The following ENOX1 variants were observed in gnomAD, a reference collection of about 807,000 sequenced individuals.
The protein encoded by ENOX1 is ecto-NOX disulfide-thiol exchanger 1, also known as candidate growth-related and time keeping constitutive hydroquinone (NADH) oxidase.
Under a neutral mutation model 82.5 loss-of-function variants are expected in ENOX1, and 42 were observed. The ratio of observed to expected loss-of-function variants is 0.51; its 90% CI spans 0.40 to 0.66. The LOEUF (loss-of-function observed/expected upper bound fraction) is 0.66, where lower values mean the gene tolerates loss of function less well. Among genes scored for constraint, ENOX1 ranks in the 30% least tolerant of loss-of-function variants. The pLI is 0.00. For missense variants in ENOX1, 608 were observed against 811.6 expected (o/e 0.75, Z 3.05); for synonymous variants, 271 against 282.2 (o/e 0.96, Z 0.40).
At chr13:43,746,233 T>C (rs1208354151) in intron 1 of ENOX1, among the ~76,000 whole-genome samples, 3 of 152,014 alleles carry the variant, frequency 2.0e-5, no homozygotes, top group Non-Finnish European at 4.4e-5. Flanking sequence ...GAAAAGAAAT[T>C]ATGGAATGGG....
intron 3 of ENOX1, among the ~76,000 whole-genome samples, chr13:43,460,279 T>C (rs923664846): frequency 6.6e-6 from 1 of 152,198 alleles, no homozygotes; most frequent in Admixed American, 6.5e-5. Flanking sequence ...TCCCTTTTTC[T>C]CTTGATATGT....
At chr13:43,648,672 C>T (rs753683068) in intron 2 of ENOX1, among the ~76,000 whole-genome samples, 8 of 152,152 alleles carry the variant, frequency 5.3e-5, no homozygotes, top group Non-Finnish European at 1.0e-4. Flanking sequence ...ACTTCTCACT[C>T]CAAGGAAAAG....
intron 14 of ENOX1, among the ~76,000 whole-genome samples, chr13:43,246,522 G>C (rs770294769): frequency 1.3e-4 from 20 of 152,360 alleles, no homozygotes; most frequent in East Asian, 7.7e-4. Context: ...CATTAGCAGG[G>C]ACTGAGGGGG....
intron 3 of ENOX1, among the ~76,000 whole-genome samples, chr13:43,417,641 G>A (rs4942230): frequency 0.16 from 24,586 of 151,982 alleles, 2,541 homozygotes; most frequent in East Asian, 0.52. Context: ...TCTTCTTAGC[G>A]ATGTTTATTT....
In ENOX1 at chr13:43,428,197, C is replaced by T. The variant is rs74658991; in HGVS notation, c.-74-15209G>A. Among the ~76,000 whole-genome samples, 567 of 152,188 alleles carry T rather than the reference C, an allele frequency of 3.7e-3. 3 individuals are homozygous for T. Among genetic ancestry groups the T allele is most frequent in the African/African-American group, 0.013 (546 of 41,516 alleles). ...TCACTGCTGAAAGACAACTCAAGAC[C>T]CATGCTTTATTGAGAGGCACATTTT... On this transcript the variant is annotated intron_variant, in intron 3 of 16. Coordinates refer to ENST00000690772, the MANE Select transcript of ENOX1 (RefSeq NM_001347969.2).
At position 43,324,555 on chromosome 13, in the gene ENOX1, A is replaced by G. The variant is rs188853873; in HGVS notation, c.1143+1864T>C. ...CCACAATGTTAAATTACCAACTGGT[A>G]TTTAATCAATTCAGCGACATGCAAG... On this transcript the variant is annotated intron_variant, in intron 10 of 16. Coordinates refer to ENST00000690772, the MANE Select transcript of ENOX1 (RefSeq NM_001347969.2). Among the ~76,000 whole-genome samples the G allele has an allele frequency of 1.6e-3, 251 of 152,318 alleles. 1 individual carries two copies. The highest frequency in any genetic ancestry group is 5.8e-3 in the African/African-American group (242 of 41,582).
intron 3 of ENOX1, among the ~76,000 whole-genome samples, chr13:43,467,367 A>G (rs1164947734): frequency 6.6e-6 from 1 of 152,206 alleles, no homozygotes; most frequent in Non-Finnish European, 1.5e-5. Context: ...AATTCGACAG[A>G]CAGTTAAAAT....
chr13:43,712,580 T>C (rs2087802101), intron 1 of ENOX1, among the ~76,000 whole-genome samples: 1 of 148,152 alleles, frequency 6.7e-6, no homozygotes, highest in East Asian at 2.0e-4. Flanking sequence ...GTTTGTATCC[T>C]CTTTTATTTC....
intron 2 of ENOX1, among the ~76,000 whole-genome samples, chr13:43,643,066 AT>A (rs967925125): frequency 6.6e-6 from 1 of 152,184 alleles, no homozygotes; most frequent in Non-Finnish European, 1.5e-5. Context: ...AACTCAAAAC[AT>A]TTTTTATTTA....
intron 2 of ENOX1, among the ~76,000 whole-genome samples, chr13:43,527,442 T>C (rs1055392373): frequency 6.6e-6 from 1 of 152,094 alleles, no homozygotes; most frequent in African/African-American, 2.4e-5. Flanking sequence ...AGTTACAGAC[T>C]TTCTCTCCCC....
intron 14 of ENOX1, among the ~76,000 whole-genome samples, chr13:43,239,365 G>A (rs766178684): frequency 1.1e-4 from 17 of 152,156 alleles, no homozygotes; most frequent in Non-Finnish European, 2.2e-4. Flanking sequence ...TGTCCAGGTT[G>A]GAGATGGAGC....
intron 9 of ENOX1, among the ~76,000 whole-genome samples, chr13:43,332,763 TA>T (rs1253830450): frequency 6.6e-6 from 1 of 152,098 alleles, no homozygotes; most frequent in Non-Finnish European, 1.5e-5. Flanking sequence ...TTCCTCAAAA[TA>T]TATAGCATTT....
chr13:43,317,856 T>G (rs974465564), intron 11 of ENOX1, among the ~76,000 whole-genome samples: 1 of 151,228 alleles, frequency 6.6e-6, no homozygotes, highest in African/African-American at 2.4e-5. Flanking sequence ...ATACAAAAAA[T>G]TAGCCAGGCG....
At chr13:43,611,617 A>G (rs180824220) in intron 2 of ENOX1, among the ~76,000 whole-genome samples, 2 of 152,336 alleles carry the variant, frequency 1.3e-5, no homozygotes, top group East Asian at 3.9e-4. Flanking sequence ...TCTAGGAAAA[A>G]CAATGTTGCA....
intron 2 of ENOX1, among the ~76,000 whole-genome samples, chr13:43,636,193 C>T (rs900755791): frequency 6.6e-6 from 1 of 152,182 alleles, no homozygotes; most frequent in African/African-American, 2.4e-5. Context: ...CACTGGGTCC[C>T]ATGCTCATGG....
chr13:43,517,973 T>C (rs1475784882), intron 2 of ENOX1, among the ~76,000 whole-genome samples: 2 of 152,152 alleles, frequency 1.3e-5, no homozygotes, highest in Admixed American at 6.6e-5. Flanking sequence ...ACATGGTTTA[T>C]GGTATTTTGT....
intron 5 of ENOX1, among the ~76,000 whole-genome samples, chr13:43,361,700 C>A (rs539579558): frequency 1.3e-5 from 2 of 152,162 alleles, no homozygotes; most frequent in Admixed American, 1.3e-4. Context: ...AAGAACACAG[C>A]ATATTAAAAT....
At chr13:43,310,808 GTCA>G (rs1362765076) in intron 11 of ENOX1, among the ~76,000 whole-genome samples, 1 of 151,930 alleles carries the variant, frequency 6.6e-6, no homozygotes, top group East Asian at 2.0e-4. Context: ...AAAAGCTTCA[GTCA>G]TTACCTCTTT....
intron 8 of ENOX1, among the ~76,000 whole-genome samples, chr13:43,350,181 C>T (rs569924112): frequency 3.3e-5 from 5 of 152,254 alleles, no homozygotes; most frequent in South Asian, 2.1e-4. Context: ...CTTTATAAAG[C>T]GAATTCTCCT....
Sources: allele counts gnomAD v4.1 joint callset (sites outside exome capture counted in the v4.1 genomes callset), GRCh38; gene constraint gnomAD v4.1.1; transcripts MANE v1.5; gene names NCBI Gene and HGNC (gene_info 2026-07-23, HGNC 2026-07-21).